Variants in GRM8 observed in about 807,000 individuals in gnomAD.
GRM8 encodes metabotropic glutamate receptor 8.
In GRM8, 47 loss-of-function variants were observed where a neutral mutation model predicts 87.2. That is an observed-to-expected ratio of 0.54 (90% CI 0.43 to 0.69). GRM8 has a LOEUF of 0.69. Ranked by LOEUF, GRM8 falls within the 30% of genes least tolerant of loss-of-function variation. The pLI, the probability that GRM8 is intolerant of heterozygous loss-of-function variation, is 0.00. For missense variants in GRM8, 1,019 were observed against 1,139.2 expected (o/e 0.89, Z 1.52); for synonymous variants, 396 against 404.5 (o/e 0.98, Z 0.25).
rs71177581 is a variant in GRM8, at chr7:126,971,157, TAAAAAAAAA to T, written c.728-66483_728-66475del. ...AGGGTTGCCACAAAATTTCAATTTG[TAAAAAAAAA>T]AAAAAAAAAAAAAAAAAACACTATC... On this transcript the variant is annotated intron_variant, in intron 3 of 10. Transcript: ENST00000339582. 7.0e-3 allele frequency among the ~76,000 whole-genome samples: 702 copies of T among 100,238 alleles called. 13 individuals are homozygous for T. The East Asian group carries it at 0.082, about 12-fold the overall frequency. 65.8% of individuals were successfully genotyped at this position (100,238 alleles called of 152,430 possible). A position where few individuals can be genotyped will look rare whatever the true frequency, so the allele number is the denominator to read the frequency against.
At chr7:126,654,566 A>G (rs918820560) in intron 7 of GRM8, among the ~76,000 whole-genome samples, 3 of 152,230 alleles carry the variant, frequency 2.0e-5, no homozygotes, top group East Asian at 3.8e-4. Flanking sequence ...CTTGAAAACT[A>G]TAAGTGTTTT....
intron 7 of GRM8, among the ~76,000 whole-genome samples, chr7:126,766,955 A>G (rs1403404297): frequency 6.6e-6 from 1 of 152,204 alleles, no homozygotes; most frequent in Non-Finnish European, 1.5e-5. Flanking sequence ...TGCGAAGAGC[A>G]ATGATATGTG....
At chr7:126,682,777 G>A (rs544171082) in intron 7 of GRM8, among the ~76,000 whole-genome samples, 2 of 152,192 alleles carry the variant, frequency 1.3e-5, no homozygotes, top group Admixed American at 6.5e-5. Context: ...TGGGCTGGGC[G>A]CGGTGGCTCA....
chr7:126,578,291 C>T (rs1026859472), intron 8 of GRM8, among the ~76,000 whole-genome samples: 2 of 152,150 alleles, frequency 1.3e-5, no homozygotes, highest in Non-Finnish European at 2.9e-5. Context: ...AATTTGTCCT[C>T]TCTGGATACA....
intron 6 of GRM8, among the ~76,000 whole-genome samples, chr7:126,774,565 A>G (rs1386450029): frequency 6.6e-6 from 1 of 152,144 alleles, no homozygotes; most frequent in African/African-American, 2.4e-5. Context: ...TTATGGGAAG[A>G]TTGTTTTACA....
intron 7 of GRM8, among the ~76,000 whole-genome samples, chr7:126,673,783 T>C (rs1477094440): frequency 6.6e-6 from 1 of 152,188 alleles, no homozygotes; most frequent in African/African-American, 2.4e-5. Context: ...GTATTAAATA[T>C]AAAAGTTAAG....
At chr7:126,494,057 G>A (rs1318621382) in intron 9 of GRM8, among the ~76,000 whole-genome samples, 1 of 151,956 alleles carries the variant, frequency 6.6e-6, no homozygotes, top group Non-Finnish European at 1.5e-5. Context: ...GAAGCATGGG[G>A]TATTAGGAAG....
intron 3 of GRM8, among the ~76,000 whole-genome samples, chr7:127,036,721 C>T (rs1201167261): frequency 6.6e-6 from 1 of 152,102 alleles, no homozygotes; most frequent in African/African-American, 2.4e-5. Context: ...GCTTGTTACG[C>T]CGCACAGAGT....
intron 6 of GRM8, among the ~76,000 whole-genome samples, chr7:126,809,261 T>C (rs1460975643): frequency 2.6e-5 from 4 of 152,192 alleles, no homozygotes; most frequent in African/African-American, 4.8e-5. Context: ...CTTAATTCCA[T>C]CTACAAACTG....
chr7:126,946,553 C>T (rs1807560754), intron 3 of GRM8, among the ~76,000 whole-genome samples: 1 of 152,102 alleles, frequency 6.6e-6, no homozygotes, highest in South Asian at 2.1e-4. Flanking sequence ...GAAAGAAAGA[C>T]CAGGACTTGC....
intron 9 of GRM8, 137 bp from the exon 10 acceptor site, chr7:126,446,509 T>A: frequency 1.6e-6 from 1 of 615,034 alleles, no homozygotes; most frequent in Non-Finnish European, 2.8e-6. Flanking sequence ...AAATTGTCCT[T>A]AATTATAGTC....
chr7:126,737,934 C>A (rs1053975377), intron 7 of GRM8, among the ~76,000 whole-genome samples: 1 of 151,898 alleles, frequency 6.6e-6, no homozygotes, highest in Non-Finnish European at 1.5e-5. Flanking sequence ...TGATCTCAAG[C>A]CAGAGAAGCC....
intron 2 of GRM8, among the ~76,000 whole-genome samples, chr7:127,238,115 CA>C (rs968665813): frequency 2.0e-5 from 3 of 152,144 alleles, no homozygotes; most frequent in Non-Finnish European, 2.9e-5. Context: ...GTCTGCAGTA[CA>C]AAAGCCCCTG....
intron 9 of GRM8, among the ~76,000 whole-genome samples, chr7:126,521,778 AACTGATTATAT>A (rs1317068875): frequency 6.6e-6 from 1 of 152,144 alleles, no homozygotes; most frequent in Non-Finnish European, 1.5e-5. Context: ...TTATATAATA[AACTGATTATAT>A]ATTTAAATTG....
At chr7:126,496,282 G>T (rs1156972941) in intron 9 of GRM8, among the ~76,000 whole-genome samples, 1 of 151,828 alleles carries the variant, frequency 6.6e-6, no homozygotes, top group Non-Finnish European at 1.5e-5. Flanking sequence ...GGAGGTAGGA[G>T]GGAAGGAAAG....
At chr7:126,819,311 C>T (rs1794086813) in intron 6 of GRM8, among the ~76,000 whole-genome samples, 1 of 149,686 alleles carries the variant, frequency 6.7e-6, no homozygotes. Context: ...CACGCGCAAA[C>T]TCCACATTAA....
chr7:126,573,434 A>G (rs1373659154), intron 8 of GRM8, among the ~76,000 whole-genome samples: 1 of 152,160 alleles, frequency 6.6e-6, no homozygotes, highest in Admixed American at 6.6e-5. Context: ...AACCAAAAAT[A>G]GAGGATTAAG....
intron 9 of GRM8, among the ~76,000 whole-genome samples, chr7:126,472,717 T>G (rs1407006638): frequency 6.6e-6 from 1 of 152,036 alleles, no homozygotes; most frequent in African/African-American, 2.4e-5. Flanking sequence ...ATGTCAGAGG[T>G]CTTTATGGCA....
intron 9 of GRM8, among the ~76,000 whole-genome samples, chr7:126,482,413 A>T (rs1806799010): frequency 6.6e-6 from 1 of 152,020 alleles, no homozygotes; most frequent in South Asian, 2.1e-4. Context: ...GTGTCCACTG[A>T]CAGATGAATG....
Sources: gnomAD v4.1 joint callset for allele counts (sites outside exome capture counted in the v4.1 genomes callset) on GRCh38, gnomAD v4.1.1 for gene constraint, MANE v1.5 for transcripts, NCBI Gene and HGNC (gene_info 2026-07-23, HGNC 2026-07-21) for gene names.